Variants in FBXO4 observed in about 807,000 individuals in gnomAD.
The protein encoded by FBXO4 is F-box only protein 4.
A neutral mutation model predicts 43.7 loss-of-function variants in FBXO4; 36 were observed. The observed-to-expected ratio is 0.82, with a 90% confidence interval of 0.63 to 1.09. The LOEUF (loss-of-function observed/expected upper bound fraction) is 1.09. Ranked by LOEUF, FBXO4 falls within the 50% of genes least tolerant of loss-of-function variation. The pLI is 0.00. For missense variants in FBXO4, 435 were observed against 474.1 expected (o/e 0.92, Z 0.77); for synonymous variants, 180 against 165.6 (o/e 1.09, Z -0.67).
intron 3 of FBXO4, chr5:41,930,121 A>G (rs1346534136): frequency 1.9e-6 from 1 of 537,554 alleles, no homozygotes; most frequent in East Asian, 3.0e-5. Context: ...TCAAATTTGT[A>G]CAATCCAGCC....
At position 41,925,282 on chromosome 5, in the gene FBXO4, G is replaced by A; in HGVS notation, c.-28G>A. The A allele has an allele frequency of 1.5e-6, 2 of 1,318,350 alleles. No homozygotes were observed. Among genetic ancestry groups the A allele is most frequent in the African/African-American group, 1.5e-5 (1 of 64,948 alleles). 81.7% of individuals were successfully genotyped at this position (1,318,350 alleles called of 1,614,324 possible). A position where few individuals can be genotyped will look rare whatever the true frequency, so the allele number is the denominator to read the frequency against. ...GGCTGACGCGCTAGCGTGGCTCTAA[G>A]ACGCGTCACCCACGCTGCGGGCAAG... On this transcript the variant is annotated 5_prime_UTR_variant, in exon 1 of 7. Coordinates refer to ENST00000281623, the MANE Select transcript of FBXO4 (RefSeq NM_012176.3).
the FBXO4 span, among the ~76,000 whole-genome samples, chr5:41,994,281 TA>T: frequency 4.6e-5 from 7 of 152,180 alleles, no homozygotes; most frequent in South Asian, 1.0e-3. Flanking sequence ...GAAAATGAAA[TA>T]AAATGAAGAT....
chr5:41,935,193 A>G (rs1454902575), intron 5 of FBXO4: 1 of 925,410 alleles, frequency 1.1e-6, no homozygotes, highest in Middle Eastern at 5.6e-4. Flanking sequence ...TAGTTTTCCA[A>G]TCTGCTCCTA....
the FBXO4 span, among the ~76,000 whole-genome samples, chr5:41,957,900 G>A: frequency 6.6e-6 from 1 of 152,022 alleles, no homozygotes; most frequent in African/African-American, 2.4e-5. Context: ...CAACTAACGT[G>A]GAGATATGAG....
the FBXO4 span, among the ~76,000 whole-genome samples, chr5:42,016,913 G>A: frequency 6.6e-6 from 1 of 152,026 alleles, no homozygotes; most frequent in Non-Finnish European, 1.5e-5. Context: ...TTATATTTCA[G>A]TAGTGTTAGC....
the FBXO4 span, among the ~76,000 whole-genome samples, chr5:41,990,013 A>C: frequency 6.6e-6 from 1 of 152,170 alleles, no homozygotes; most frequent in Non-Finnish European, 1.5e-5. Flanking sequence ...TTTACGAAGT[A>C]GGATTTAGAC....
At chr5:41,972,412 T>C in the FBXO4 span, among the ~76,000 whole-genome samples, 1 of 151,936 alleles carries the variant, frequency 6.6e-6, no homozygotes, top group African/African-American at 2.4e-5. Context: ...ATTTCCACAA[T>C]GCAAATTAAG....
chr5:41,947,176 T>G, the FBXO4 span, among the ~76,000 whole-genome samples: 1 of 152,054 alleles, frequency 6.6e-6, no homozygotes, highest in Admixed American at 6.6e-5. Flanking sequence ...CAAATGAGAC[T>G]GGGGCAAATG....
the FBXO4 span, among the ~76,000 whole-genome samples, chr5:42,012,206 G>A: frequency 3.3e-5 from 5 of 152,150 alleles, no homozygotes; most frequent in East Asian, 1.9e-4. Flanking sequence ...TCATGGTGGC[G>A]TGCTTACCAG....
At chr5:41,981,651 T>C in the FBXO4 span, among the ~76,000 whole-genome samples, 3 of 151,912 alleles carry the variant, frequency 2.0e-5, no homozygotes. Context: ...GCTCAGCCTA[T>C]GACATCCTCT....
chr5:42,024,916 G>A, the FBXO4 span, among the ~76,000 whole-genome samples: 5 of 152,072 alleles, frequency 3.3e-5, no homozygotes, highest in East Asian at 9.7e-4. Context: ...ACTCCATTGT[G>A]TATATGTACC....
chr5:41,964,734 G>GT, the FBXO4 span, among the ~76,000 whole-genome samples: 5 of 151,708 alleles, frequency 3.3e-5, no homozygotes, highest in Admixed American at 2.0e-4. Flanking sequence ...GGGGTTGTTT[G>GT]TTTTTTTCTT....
chr5:42,012,004 A>G, the FBXO4 span, among the ~76,000 whole-genome samples: 11 of 152,334 alleles, frequency 7.2e-5, no homozygotes, highest in Admixed American at 3.3e-4. Context: ...AGCTCCAAAT[A>G]CGTTGGTGGG....
chr5:42,032,524 A>G, the FBXO4 span, among the ~76,000 whole-genome samples: 1 of 152,148 alleles, frequency 6.6e-6, no homozygotes, highest in African/African-American at 2.4e-5. Flanking sequence ...ACTATAGACA[A>G]TGGGAACTAC....
chr5:41,963,199 A>G, the FBXO4 span, among the ~76,000 whole-genome samples: 1 of 151,854 alleles, frequency 6.6e-6, no homozygotes, highest in Admixed American at 6.6e-5. Context: ...TATATAATAT[A>G]TATACTATAT....
chr5:42,029,767 T>C, the FBXO4 span, among the ~76,000 whole-genome samples: 2,436 of 152,200 alleles, frequency 0.016, 123 homozygotes, highest in East Asian at 0.1. Flanking sequence ...AGTATGCCAA[T>C]TGCATTTTTT....
the FBXO4 span, among the ~76,000 whole-genome samples, chr5:42,002,131 G>T: frequency 1.3e-5 from 2 of 152,064 alleles, no homozygotes; most frequent in South Asian, 4.2e-4. Flanking sequence ...AGTCTTTAGG[G>T]TTTTCTACAT....
rs1752006090 is a variant in FBXO4 at position 41,941,551 on chromosome 5, T to A, written c.*270T>A. On this transcript the variant is annotated 3_prime_UTR_variant, in exon 7 of 7. Transcript: ENST00000281623. ...TATATTTTCTGTCTTTTTAAAAATA[T>A]TAAATTCTGGAAAAAACAAGTTTGT... 1 of 215,322 alleles carries A rather than the reference T, an allele frequency of 4.6e-6. No homozygotes were observed. Among genetic ancestry groups the A allele is most frequent in the Non-Finnish European group, 9.4e-6 (1 of 106,890 alleles). 13.3% of individuals were successfully genotyped at this position (215,322 alleles called of 1,614,324 possible). A position where few individuals can be genotyped will look rare whatever the true frequency, so the allele number is the denominator to read the frequency against.
chr5:41,959,355 T>C, the FBXO4 span, among the ~76,000 whole-genome samples: 1 of 152,168 alleles, frequency 6.6e-6, no homozygotes, highest in African/African-American at 2.4e-5. Flanking sequence ...CTCTTTACTC[T>C]GTTGACTTTT....
Sources: allele counts gnomAD v4.1 joint callset (sites outside exome capture counted in the v4.1 genomes callset), GRCh38; gene constraint gnomAD v4.1.1; transcripts MANE v1.5; gene names NCBI Gene and HGNC (gene_info 2026-07-23, HGNC 2026-07-21).